The following NUDCD1 variants were observed in gnomAD, a reference collection of about 807,000 sequenced individuals.
The protein encoded by NUDCD1 is nudC domain-containing protein 1.
A neutral mutation model predicts 67.8 loss-of-function variants in NUDCD1; 60 were observed. That is an observed-to-expected ratio of 0.88 (90% CI 0.72 to 1.10). The LOEUF is 1.10. NUDCD1 is among the 50% of genes least tolerant of loss of function. The probability of loss-of-function intolerance (pLI) is 0.00; values close to 1 mark genes in which losing one functional copy is unlikely to be tolerated. For synonymous variants in NUDCD1, 244 were observed against 230.8 expected (o/e 1.06, Z -0.52); for missense variants, 643 against 695.0 (o/e 0.93, Z 0.84).
chr8:109,269,319 C>T (rs1408881058), intron 8 of NUDCD1, among the ~76,000 whole-genome samples: 1 of 152,122 alleles, frequency 6.6e-6, no homozygotes, highest in African/African-American at 2.4e-5. Flanking sequence ...GGTACTTCTG[C>T]CTAGCCATTG....
At chr8:109,252,312 A>T (rs1282370555) in intron 8 of NUDCD1, among the ~76,000 whole-genome samples, 1 of 151,888 alleles carries the variant, frequency 6.6e-6, no homozygotes, top group Non-Finnish European at 1.5e-5. Flanking sequence ...AACCTGGATG[A>T]TTTTCTGCCC....
intron 3 of NUDCD1, among the ~76,000 whole-genome samples, chr8:109,296,155 C>G (rs1814836935): frequency 6.6e-6 from 1 of 152,122 alleles, no homozygotes; most frequent in Non-Finnish European, 1.5e-5. Flanking sequence ...AAAATGAATG[C>G]AATTCTTGAC....
intron 6 of NUDCD1, among the ~76,000 whole-genome samples, chr8:109,275,969 T>C (rs1249564698): frequency 6.6e-6 from 1 of 152,168 alleles, no homozygotes; most frequent in Non-Finnish European, 1.5e-5. Context: ...TAATATATGA[T>C]TATTAACCTG....
chr8:109,250,668 T>C (rs77487327), intron 8 of NUDCD1, among the ~76,000 whole-genome samples: 2 of 152,196 alleles, frequency 1.3e-5, no homozygotes, highest in Admixed American at 1.3e-4. Flanking sequence ...TCAGCATTTT[T>C]ATCATCAACG....
chr8:109,245,903 A>G (rs1329903033), intron 8 of NUDCD1, among the ~76,000 whole-genome samples: 1 of 152,220 alleles, frequency 6.6e-6, no homozygotes, highest in Non-Finnish European at 1.5e-5. Flanking sequence ...GCAAGAGATG[A>G]GCAGCAGGCA....
chr8:109,293,298 C>G, intron 4 of NUDCD1, 46 bp downstream of exon 4: 1 of 1,049,074 alleles, frequency 9.5e-7, no homozygotes, highest in Non-Finnish European at 1.4e-6. Context: ...TCAAAATCTA[C>G]TAAATAATGC....
At chr8:109,250,175 T>C (rs1348380586) in intron 8 of NUDCD1, among the ~76,000 whole-genome samples, 1 of 152,150 alleles carries the variant, frequency 6.6e-6, no homozygotes, top group Non-Finnish European at 1.5e-5. Flanking sequence ...CTTCTTTCTG[T>C]ATGTAGTAAG....
At position 109,243,241 on chromosome 8, in the gene NUDCD1, T is replaced by C; in HGVS notation, c.1520A>G (p.Tyr507Cys). 6.2e-7 allele frequency: 1 copy of C among 1,610,454 alleles called. No individual in the cohort carries two copies. Among genetic ancestry groups the C allele is most frequent in the Non-Finnish European group, 8.5e-7 (1 of 1,177,264 alleles). ...KFFACAPNYSYAALCECLRRV... is the reference protein window; with the variant it reads ...KFFACAPNYSCAALCECLRRV... ...ACGAAGGCACTCACAAAGGGCTGCA[T>C]ACGAGTAATTTGGAGCACAGGCAAA... Residue 507 changes from tyrosine to cysteine, a missense_variant, in exon 10 of 10, where the codon TAT becomes TGT. Tyr to Cys is a radical substitution (Grantham distance 194). Transcript: ENST00000239690.
chr8:109,250,829 T>C (rs1046825182), intron 8 of NUDCD1, among the ~76,000 whole-genome samples: 1 of 152,242 alleles, frequency 6.6e-6, no homozygotes, highest in Non-Finnish European at 1.5e-5. Context: ...TACTTGGTCA[T>C]AATGTAATTT....
intron 2 of NUDCD1, among the ~76,000 whole-genome samples, chr8:109,312,316 A>G (rs916914693): frequency 6.6e-6 from 1 of 151,566 alleles, no homozygotes; most frequent in Non-Finnish European, 1.5e-5. Context: ...AAAAAAAAAA[A>G]AAAAGCCCCA....
At chr8:109,321,127 G>C (rs1815523571) in intron 2 of NUDCD1, among the ~76,000 whole-genome samples, 1 of 152,186 alleles carries the variant, frequency 6.6e-6, no homozygotes, top group Non-Finnish European at 1.5e-5. Context: ...ATTTTAGCAA[G>C]TGATAATATT....
intron 7 of NUDCD1, among the ~76,000 whole-genome samples, chr8:109,272,658 G>A (rs111602090): frequency 0.021 from 3,144 of 152,158 alleles, 109 homozygotes; most frequent in African/African-American, 0.072. Context: ...AAGATACAGA[G>A]ATATGTTAAT....
At chr8:109,333,251 C>T (rs1332873693) in intron 1 of NUDCD1, among the ~76,000 whole-genome samples, 11 of 152,150 alleles carry the variant, frequency 7.2e-5, no homozygotes, top group Admixed American at 6.5e-5. Flanking sequence ...GATCTCTGGG[C>T]TCTATCATAA....
intron 2 of NUDCD1, among the ~76,000 whole-genome samples, chr8:109,304,260 G>A (rs1250432534): frequency 2.6e-5 from 4 of 152,042 alleles, no homozygotes; most frequent in Non-Finnish European, 1.5e-5. Context: ...TACTGTTTTA[G>A]GCTAGCCCCC....
chr8:109,327,639 T>C (rs947118959), intron 1 of NUDCD1, among the ~76,000 whole-genome samples: 3 of 152,222 alleles, frequency 2.0e-5, no homozygotes, highest in African/African-American at 7.2e-5. Flanking sequence ...GTATTTACTA[T>C]CAATGCATGG....
chr8:109,269,574 G>T (rs1814091828), intron 8 of NUDCD1, among the ~76,000 whole-genome samples: 1 of 152,126 alleles, frequency 6.6e-6, no homozygotes, highest in African/African-American at 2.4e-5. Context: ...CATGAATTCT[G>T]CTAGAATACA....
At chr8:109,288,754 T>A (rs1814630278) in intron 5 of NUDCD1, among the ~76,000 whole-genome samples, 3 of 152,244 alleles carry the variant, frequency 2.0e-5, no homozygotes, top group Middle Eastern at 3.4e-3. Flanking sequence ...GTAAAACTAA[T>A]TTTTTAAAAT....
intron 4 of NUDCD1, among the ~76,000 whole-genome samples, chr8:109,293,105 CAAT>C (rs1814747511): frequency 6.6e-6 from 1 of 151,896 alleles, no homozygotes; most frequent in Non-Finnish European, 1.5e-5. Flanking sequence ...ACTTATATAA[CAAT>C]GTCTTCTTTT....
Position 109,316,819 on chromosome 8 carries a change from T to G in NUDCD1, c.273+5490A>C, listed in dbSNP as rs139877925. ...AGTCCATGACCAACCCTGACAATAA[T>G]GAATCAGAATTTTGGGAAATGGTAC... On this transcript the variant is annotated intron_variant, in intron 2 of 9. Transcript: ENST00000239690. 8.5e-5 allele frequency among the ~76,000 whole-genome samples: 13 copies of G among 152,290 alleles called. No homozygotes were observed. The East Asian group carries it at 2.5e-3, about 29-fold the overall frequency.
Sources: allele counts gnomAD v4.1 joint callset (sites outside exome capture counted in the v4.1 genomes callset), GRCh38; gene constraint gnomAD v4.1.1; transcripts MANE v1.5; gene names NCBI Gene and HGNC (gene_info 2026-07-23, HGNC 2026-07-21).